PCMTD1: variants seen among roughly 807,000 people sequenced by gnomAD.
PCMTD1 encodes the protein protein-L-isoaspartate (D-aspartate) O-methyltransferase domain containing 1, also known as protein-L-isoaspartate O-methyltransferase domain-containing protein 1.
A neutral mutation model predicts 37.6 loss-of-function variants in PCMTD1; 12 were observed. That is an observed-to-expected ratio of 0.32 (90% CI 0.20 to 0.52). The LOEUF is 0.52. Ranked by LOEUF, PCMTD1 falls within the 20% of genes least tolerant of loss-of-function variation. The probability of loss-of-function intolerance (pLI) is 0.97; values close to 1 mark genes in which losing one functional copy is unlikely to be tolerated. For missense variants in PCMTD1, 235 were observed against 421.3 expected (o/e 0.56, Z 3.87); for synonymous variants, 117 against 135.8 (o/e 0.86, Z 0.96).
chr8:51,831,415 T>G, intron 5 of PCMTD1, 29 bp downstream of exon 5: 1 of 1,606,806 alleles, frequency 6.2e-7, no homozygotes, highest in Non-Finnish European at 8.5e-7. Flanking sequence ...AAGTCATAAT[T>G]CAATCAGAAA....
At position 51,878,251 on chromosome 8, in the gene PCMTD1, T is replaced by TTTG. The variant is rs1246367871; in HGVS notation, c.-95-17006_-95-17005insCAA. On this transcript the variant is annotated intron_variant, in intron 1 of 5. Coordinates refer to ENST00000522514, the MANE Select transcript of PCMTD1 (RefSeq NM_052937.4). ...AAATATTATGAGATTTTTTTTTTGG[T>TTTG]TTTTTTTTTTTTTTAGCTCATCAGC... Among the ~76,000 whole-genome samples the TTTG allele has an allele frequency of 3.1e-4, 7 of 22,944 alleles. No homozygotes were observed. In the East Asian group the frequency reaches 4.3e-3, roughly 14 times the overall value. The allele number at this position is 22,944 out of a possible 152,430, so 15.1% of individuals were successfully genotyped here.
intron 3 of PCMTD1, among the ~76,000 whole-genome samples, chr8:51,837,924 G>A (rs752718069): frequency 1.3e-5 from 2 of 151,954 alleles, no homozygotes; most frequent in African/African-American, 2.4e-5. Flanking sequence ...GGACTACAGA[G>A]GTGGACCACC....
chr8:51,846,829 A>G (rs1480849948), intron 2 of PCMTD1, among the ~76,000 whole-genome samples: 2 of 152,234 alleles, frequency 1.3e-5, no homozygotes, highest in Non-Finnish European at 2.9e-5. Context: ...CAAACTATAA[A>G]AATTTAACCA....
In PCMTD1 at chr8:51,860,345, T is replaced by C. The variant is rs1212372090; in HGVS notation, c.307+500A>G. ...CATATGCACATGCCAGGAACAATGC[T>C]TGGCAGAGCAAACACTCATTAAATA... On this transcript the variant is annotated intron_variant, in intron 2 of 5. Transcript: ENST00000522514. 3.9e-5 allele frequency: 6 copies of C among 154,818 alleles called. No homozygotes were observed. In the South Asian group the frequency reaches 1.2e-3, roughly 31 times the overall value. 9.6% of individuals were successfully genotyped at this position (154,818 alleles called of 1,614,324 possible). A position where few individuals can be genotyped will look rare whatever the true frequency, so the allele number is the denominator to read the frequency against.
intron 4 of PCMTD1, among the ~76,000 whole-genome samples, chr8:51,833,041 C>T (rs555970413): frequency 6.6e-6 from 1 of 152,240 alleles, no homozygotes; most frequent in Admixed American, 6.5e-5. Context: ...GACGGGGTTT[C>T]GCCATGTTGC....
At chr8:51,831,675 C>A in intron 4 of PCMTD1, 108 bp from the exon 5 acceptor site, 1 of 1,090,850 alleles carries the variant, frequency 9.2e-7, no homozygotes, top group East Asian at 2.6e-5. Context: ...TAGAGCTACA[C>A]AATCACTTAA....
chr8:51,837,776 T>C (rs903197063), intron 3 of PCMTD1, among the ~76,000 whole-genome samples: 5 of 152,198 alleles, frequency 3.3e-5, no homozygotes, highest in African/African-American at 4.8e-5. Context: ...GACTTATCTA[T>C]CTATTTATTT....
chr8:51,827,396 C>T, intron 5 of PCMTD1: 2 of 634,182 alleles, frequency 3.2e-6, no homozygotes, highest in Non-Finnish European at 5.1e-6. Flanking sequence ...GAGAAATAAG[C>T]AATTCATATG....
Position 51,831,632 on chromosome 8 carries a change from T to A in PCMTD1, c.583-65A>T, listed in dbSNP as rs552815066. ...TCCCAACAATGTGGTCACCTTACAG[T>A]CAAAACTTTGTTTTAAGGGAACAAC... is the stretch of plus-strand genomic sequence containing the variant. On this transcript the variant is annotated intron_variant, in intron 4 of 5. Coordinates refer to ENST00000522514, the MANE Select transcript of PCMTD1 (RefSeq NM_052937.4). 7.7e-5 allele frequency: 116 copies of A among 1,508,154 alleles called. 1 individual carries two copies. The African/African-American group carries it at 1.4e-3, about 19-fold the overall frequency. 93.4% of individuals were successfully genotyped at this position (1,508,154 alleles called of 1,614,324 possible).
intron 1 of PCMTD1, among the ~76,000 whole-genome samples, chr8:51,890,510 T>C (rs2129295140): frequency 6.6e-6 from 1 of 152,352 alleles, no homozygotes; most frequent in East Asian, 1.9e-4. Flanking sequence ...ACCATCCTTC[T>C]AAAACAAAGA....
intron 1 of PCMTD1, among the ~76,000 whole-genome samples, chr8:51,869,346 T>A (rs573665542): frequency 3.3e-5 from 5 of 152,142 alleles, no homozygotes; most frequent in Non-Finnish European, 5.9e-5. Flanking sequence ...GACCAAGGTG[T>A]AGCCACGGTT....
intron 1 of PCMTD1, among the ~76,000 whole-genome samples, chr8:51,891,266 A>G (rs912216630): frequency 6.6e-6 from 1 of 152,188 alleles, no homozygotes; most frequent in African/African-American, 2.4e-5. Context: ...AAAATAAATG[A>G]CATGAGGCCG....
At chr8:51,868,750 A>G (rs1176597991) in intron 1 of PCMTD1, among the ~76,000 whole-genome samples, 3 of 152,196 alleles carry the variant, frequency 2.0e-5, no homozygotes, top group Non-Finnish European at 4.4e-5. Flanking sequence ...TACCACATAC[A>G]TTATTGCTGA....
rs2039031995 is a variant in PCMTD1 at position 51,897,967 on chromosome 8, C to CACCA, written c.-96+959_-96+962dup. Among the ~76,000 whole-genome samples, 6 of 152,020 alleles carry CACCA rather than the reference C, an allele frequency of 3.9e-5. No homozygotes were observed. In the South Asian group the frequency reaches 1.2e-3, roughly 32 times the overall value. On this transcript the variant is annotated intron_variant, in intron 1 of 5. Coordinates refer to ENST00000522514, the MANE Select transcript of PCMTD1 (RefSeq NM_052937.4). Reference sequence around the variant, plus strand: ...AAAAAAAAAATCCTGAATAACTACCCACCACACTTGGAGACTGGCTACCCT... The same window carrying CACCA: ...AAAAAAAAAATCCTGAATAACTACCCACCAACCACACTTGGAGACTGGCTACCCT...
In PCMTD1 at chr8:51,820,631, G is replaced by A. The variant is rs771752529; in HGVS notation, c.794C>T (p.Ala265Val). The stretch of plus-strand genomic sequence containing the variant: ...TGGAGCCCTTTGAGGAATCCCCTTG[G>A]CCTGCATCTCATCATTTATGAAATT... ...LRNFINDEMQ[A>V]KGIPQRAPPK... The change falls in exon 6 of 6, where the codon GCC becomes GTC. Residue 265 changes from alanine (A) to valine (V), a missense_variant. Coordinates refer to ENST00000522514, the MANE Select transcript of PCMTD1 (RefSeq NM_052937.4). 1.9e-6 allele frequency: 3 copies of A among 1,613,072 alleles called. No homozygotes were observed. In the East Asian group the frequency reaches 6.7e-5, roughly 36 times the overall value.
Position 51,820,240 on chromosome 8 carries a change from C to A in PCMTD1, c.*111G>T. On this transcript the variant is annotated 3_prime_UTR_variant, in exon 6 of 6. Transcript: ENST00000522514. ...TGACAGAAACAAGTGATTTTTTTTC[C>A]ACTATAATTTGCTCTGATGAAAGAA... The A allele has an allele frequency of 1.1e-6, 1 of 915,810 alleles. No individual in the cohort carries two copies. The highest frequency in any genetic ancestry group is 3.1e-5 in the South Asian group (1 of 32,432). The allele number at this position is 915,810 out of a possible 1,614,324, so 56.7% of individuals were successfully genotyped here.
chr8:51,819,914 A>ATAAGG lies in PCMTD1; in HGVS notation c.*436_*437insCCTTA, dbSNP rs2037818671. On this transcript the variant is annotated 3_prime_UTR_variant, in exon 6 of 6. Coordinates refer to ENST00000522514, the MANE Select transcript of PCMTD1 (RefSeq NM_052937.4). The stretch of plus-strand genomic sequence containing the variant: ...AACAAAAGTAAGGTAAATAGTCTAC[A>ATAAGG]AAGCATTTGACTTCCTTATTAGATA... 1 of 153,470 alleles carries ATAAGG rather than the reference A, an allele frequency of 6.5e-6. No homozygotes were observed. Among genetic ancestry groups the ATAAGG allele is most frequent in the South Asian group, 2.1e-4 (1 of 4,850 alleles). The allele number at this position is 153,470 out of a possible 1,614,324, so 9.5% of individuals were successfully genotyped here.
chr8:51,827,024 G>A (rs1029950892), intron 5 of PCMTD1: 2 of 967,308 alleles, frequency 2.1e-6, no homozygotes, highest in African/African-American at 1.8e-5. Flanking sequence ...GATTTTTGGA[G>A]TCGCGTTCTT....
At position 51,860,845 on chromosome 8, in the gene PCMTD1, C is replaced by A; in HGVS notation, c.307G>T (p.Gly103Cys). ...TAGAATTTTACAAAAATAAAATTAC[C>A]TAAAATTAAGCCCACCATTGTACTT... is the stretch of plus-strand genomic sequence containing the variant. The part of the protein sequence containing the change: ...YLSTMVGLIL[G>C]PFGINHGIEL... The change falls in exon 2 of 6, where the codon GGT (glycine) becomes TGT (cysteine). Residue 103 changes from glycine to cysteine, a missense_variant and splice_region_variant. Transcript: ENST00000522514. 6.4e-7 allele frequency: 1 copy of A among 1,574,006 alleles called. No homozygotes were observed. Among genetic ancestry groups the A allele is most frequent in the South Asian group, 1.2e-5 (1 of 84,988 alleles).
Sources: allele counts gnomAD v4.1 joint callset (sites outside exome capture counted in the v4.1 genomes callset), GRCh38; gene constraint gnomAD v4.1.1; transcripts MANE v1.5; gene names NCBI Gene and HGNC (gene_info 2026-07-23, HGNC 2026-07-21).